VPS4B: variants seen among roughly 807,000 people sequenced by gnomAD.
VPS4B encodes vacuolar protein sorting-associated protein 4B.
In VPS4B, 23 loss-of-function variants were observed where a neutral mutation model predicts 56.1. That is an observed-to-expected ratio of 0.41 (90% CI 0.30 to 0.58). The LOEUF is 0.58. Ranked by LOEUF, VPS4B falls within the 20% of genes least tolerant of loss-of-function variation. The probability of loss-of-function intolerance (pLI) is 0.29; values close to 1 mark genes in which losing one functional copy is unlikely to be tolerated. For synonymous variants in VPS4B, 177 were observed against 186.0 expected (o/e 0.95, Z 0.39); for missense variants, 372 against 531.9 (o/e 0.70, Z 2.96).
rs1568084654 is a variant in VPS4B, at chr18:63,398,220, TATA to T, written c.873-970_873-968del. On this transcript the variant is annotated intron_variant, in intron 8 of 10. Transcript: ENST00000238497. The stretch of plus-strand genomic sequence containing the variant: ...ACACACACACATATATATATATATA[TATA>T]TTTTTTTTTGAGATGGAGTCTCACT... 3.2e-4 allele frequency among the ~76,000 whole-genome samples: 37 copies of T among 114,298 alleles called. 2 individuals carry two copies. The highest frequency in any genetic ancestry group is 1.1e-3 in the South Asian group (3 of 2,698). The allele number at this position is 114,298 out of a possible 152,430, so 75.0% of individuals were successfully genotyped here.
chr18:63,414,730 T>C (rs544649023), intron 1 of VPS4B, among the ~76,000 whole-genome samples: 78 of 152,350 alleles, frequency 5.1e-4, no homozygotes, highest in African/African-American at 1.6e-3. Flanking sequence ...CCACCGTGCC[T>C]GGCCTAGAAA....
chr18:63,392,606 G>A lies in VPS4B; in HGVS notation c.1233+803C>T, dbSNP rs372917937. 3.8e-4 allele frequency among the ~76,000 whole-genome samples: 57 copies of A among 151,892 alleles called. 1 individual carries two copies. In the South Asian group the frequency reaches 3.9e-3, roughly 11 times the overall value. Reference sequence around the variant, plus strand: ...TGGGACTACACGCACGTGCCACCACGTCTGGCTAACTTTTTGTATTTTTAG... The same window carrying A: ...TGGGACTACACGCACGTGCCACCACATCTGGCTAACTTTTTGTATTTTTAG... On this transcript the variant is annotated intron_variant, in intron 10 of 10. Coordinates refer to ENST00000238497, the MANE Select transcript of VPS4B (RefSeq NM_004869.4).
At chr18:63,420,605 C>G (rs1916275826) in intron 1 of VPS4B, among the ~76,000 whole-genome samples, 1 of 152,104 alleles carries the variant, frequency 6.6e-6, no homozygotes, top group African/African-American at 2.4e-5. Flanking sequence ...CTTTAATACT[C>G]AAGGGAAAAA....
chr18:63,421,218 C>G (rs188545692), intron 1 of VPS4B, among the ~76,000 whole-genome samples: 4 of 152,252 alleles, frequency 2.6e-5, no homozygotes, highest in Admixed American at 2.6e-4. Context: ...AGCAAGCCTC[C>G]TTTCCCACTC....
intron 3 of VPS4B, among the ~76,000 whole-genome samples, chr18:63,409,912 C>T (rs1915996381): frequency 6.6e-6 from 1 of 152,140 alleles, no homozygotes; most frequent in Non-Finnish European, 1.5e-5. Context: ...GAGTACTATT[C>T]CTACAAGCAT....
chr18:63,422,179 C>A, intron 1 of VPS4B, 54 bp downstream of exon 1: 1 of 1,438,122 alleles, frequency 7.0e-7, no homozygotes, highest in East Asian at 2.9e-5. Context: ...ACCCGCTTCT[C>A]GCGCCTCCCC....
intron 4 of VPS4B, chr18:63,404,704 T>C (rs1915880778): frequency 1.3e-5 from 2 of 152,232 alleles, no homozygotes; most frequent in South Asian, 2.1e-4. Context: ...TAAGATGACA[T>C]GTAGTTAGTT....
At chr18:63,403,153 A>T (rs2036027034) in intron 5 of VPS4B, among the ~76,000 whole-genome samples, 2 of 152,206 alleles carry the variant, frequency 1.3e-5, no homozygotes, top group Admixed American at 6.5e-5. Flanking sequence ...TTCCTCTGAA[A>T]CTGTTAAGTG....
At chr18:63,419,511 A>T (rs1353532528) in intron 1 of VPS4B, among the ~76,000 whole-genome samples, 1 of 151,848 alleles carries the variant, frequency 6.6e-6, no homozygotes, top group Non-Finnish European at 1.5e-5. Flanking sequence ...TTGAATGGAT[A>T]CTCTACTAAT....
intron 8 of VPS4B, among the ~76,000 whole-genome samples, chr18:63,398,783 C>A (rs1178329476): frequency 1.3e-5 from 2 of 149,424 alleles, no homozygotes; most frequent in Non-Finnish European, 1.5e-5. Context: ...TGCAGTGAGC[C>A]GAGATCGCAC....
chr18:63,419,161 G>A (rs1916234497), intron 1 of VPS4B, among the ~76,000 whole-genome samples: 3 of 152,132 alleles, frequency 2.0e-5, no homozygotes, highest in Non-Finnish European at 2.9e-5. Flanking sequence ...AGTGGCTCAC[G>A]CCTGTAATTC....
At chr18:63,421,836 G>A (rs941311694) in intron 1 of VPS4B, among the ~76,000 whole-genome samples, 1 of 152,172 alleles carries the variant, frequency 6.6e-6, no homozygotes, top group Non-Finnish European at 1.5e-5. Context: ...CAGAATGAAG[G>A]GGTCTGCTGT....
chr18:63,405,350 A>C (rs970666798), intron 4 of VPS4B, among the ~76,000 whole-genome samples: 4 of 152,192 alleles, frequency 2.6e-5, no homozygotes, highest in African/African-American at 9.6e-5. Flanking sequence ...TTTAATTTTA[A>C]CAAATATACA....
intron 4 of VPS4B, among the ~76,000 whole-genome samples, chr18:63,406,221 C>T (rs1915913651): frequency 1.3e-5 from 2 of 152,172 alleles, no homozygotes; most frequent in East Asian, 1.9e-4. Flanking sequence ...GGTGGGGACA[C>T]CACTACGCTT....
At chr18:63,401,691 A>T (rs1339763454) in intron 5 of VPS4B, among the ~76,000 whole-genome samples, 1 of 152,162 alleles carries the variant, frequency 6.6e-6, no homozygotes, top group Non-Finnish European at 1.5e-5. Flanking sequence ...AAACTATCAA[A>T]CATACATTTA....
In VPS4B at chr18:63,407,371, G is replaced by C. The variant is rs759163504; in HGVS notation, c.364+61C>G. ...AGGGAGAACAAAAACAATTCAAATA[G>C]ACAATTCACTTTGAGTCTTTTTAAT... On this transcript the variant is annotated intron_variant, in intron 4 of 10. Transcript: ENST00000238497. The C allele has an allele frequency of 3.4e-4, 464 of 1,374,754 alleles. 7 individuals carry two copies. In the East Asian group the frequency reaches 0.011, roughly 32 times the overall value. 85.2% of individuals were successfully genotyped at this position (1,374,754 alleles called of 1,614,324 possible). A position where few individuals can be genotyped will look rare whatever the true frequency, so the allele number is the denominator to read the frequency against.
In VPS4B at chr18:63,389,599, A is replaced by G. The variant is rs1014025268; in HGVS notation, c.*1376T>C. The G allele has an allele frequency of 1.6e-5, 2 of 123,420 alleles. No homozygotes were observed. The highest frequency in any genetic ancestry group is 3.6e-5 in the African/African-American group (1 of 27,976). The allele number at this position is 123,420 out of a possible 1,614,324, so 7.6% of individuals were successfully genotyped here. On this transcript the variant is annotated 3_prime_UTR_variant, in exon 11 of 11. Coordinates refer to ENST00000238497, the MANE Select transcript of VPS4B (RefSeq NM_004869.4). ...AACACATCCTCAGATTATTTATTTG[A>G]AAATATTAAAATAGCATCGTTTATT...
intron 1 of VPS4B, chr18:63,415,388 AG>A: frequency 3.8e-6 from 1 of 259,786 alleles, no homozygotes; most frequent in South Asian, 5.0e-5. Context: ...GCTATCTCAA[AG>A]TCCTCCTGGG....
chr18:63,422,264 G>A lies in VPS4B; in HGVS notation c.-5C>T. ...GTTGGGCGAAGTGGATGACATGGCGGAGTTCCCAGGCGGTTCCCAAGGGAA... is the reference window on the plus strand; with the variant it reads ...GTTGGGCGAAGTGGATGACATGGCGAAGTTCCCAGGCGGTTCCCAAGGGAA... On this transcript the variant is annotated 5_prime_UTR_variant, in exon 1 of 11. Transcript: ENST00000238497. 16 of 1,509,922 alleles carry A rather than the reference G, an allele frequency of 1.1e-5. No individual in the cohort carries two copies. The highest frequency in any genetic ancestry group is 1.4e-5 in the Non-Finnish European group (16 of 1,127,592). The allele number at this position is 1,509,922 out of a possible 1,614,324, so 93.5% of individuals were successfully genotyped here. A position where few individuals can be genotyped will look rare whatever the true frequency, so the allele number is the denominator to read the frequency against.
Sources: allele counts gnomAD v4.1 joint callset (sites outside exome capture counted in the v4.1 genomes callset), GRCh38; gene constraint gnomAD v4.1.1; transcripts MANE v1.5; gene names NCBI Gene and HGNC (gene_info 2026-07-23, HGNC 2026-07-21).